The following MALRD1 variants were observed in gnomAD, a reference collection of about 807,000 sequenced individuals.
MALRD1 encodes MAM and LDL-receptor class A domain-containing protein 1.
MALRD1 carries 247 observed loss-of-function variants against 242.1 expected under a neutral mutation model. That is an observed-to-expected ratio of 1.02 (90% confidence interval 0.92 to 1.13). The LOEUF is 1.13. Ranked by LOEUF, MALRD1 falls within the 50% of genes most tolerant of loss-of-function variation. The probability of loss-of-function intolerance (pLI) is 0.00; values close to 1 mark genes in which losing one functional copy is unlikely to be tolerated. For missense variants in MALRD1, 2,989 were observed against 2,533.1 expected, an observed-to-expected ratio of 1.18 and a Z score of -3.86; for synonymous variants, 995 against 866.6, an observed-to-expected ratio of 1.15 and a Z score of -2.60.
At chr10:19,532,481 C>T (rs1420705991) in intron 32 of MALRD1, among the ~76,000 whole-genome samples, 1 of 152,078 alleles carries the variant, frequency 6.6e-6, no homozygotes, top group Non-Finnish European at 1.5e-5. Context: ...GTCTCAAATT[C>T]CTGACCTCAT....
intron 26 of MALRD1, among the ~76,000 whole-genome samples, chr10:19,371,717 T>G (rs1344059564): frequency 1.3e-5 from 2 of 152,236 alleles, no homozygotes; most frequent in African/African-American, 4.8e-5. Flanking sequence ...TAAAGTTTGT[T>G]GCTTACAATT....
At chr10:19,638,761 C>T (rs1374086223) in intron 36 of MALRD1, among the ~76,000 whole-genome samples, 2 of 152,170 alleles carry the variant, frequency 1.3e-5, no homozygotes, top group African/African-American at 4.8e-5. Flanking sequence ...TCACCACCCA[C>T]AGAAGATTGT....
chr10:19,146,541 C>A (rs12255461), intron 11 of MALRD1, among the ~76,000 whole-genome samples, 197 bp downstream of exon 11: 1 of 152,092 alleles, frequency 6.6e-6, no homozygotes, highest in African/African-American at 2.4e-5. Context: ...TAATCACCAA[C>A]ATGTTTGTTG....
rs577873064 is a variant in MALRD1 at position 19,209,573 on chromosome 10, C to T, written c.2884C>T (p.Arg962Ter). The T allele has an allele frequency of 2.5e-4, 394 of 1,550,820 alleles. No homozygotes were observed. The highest frequency in any genetic ancestry group is 3.3e-4 in the Middle Eastern group (2 of 5,994). ...CATTTATAGGTTGGCAATCTACCAA[C>T]GAATCTGGAGTGACTCAAGGGGACA... ...KRIYRLAIYQ[R>*]IWSDSRGQLL... Residue 962 changes from arginine to a stop codon, truncating the protein, a stop_gained, in exon 18 of 40, where the codon CGA becomes TGA. Coordinates refer to ENST00000454679, the MANE Select transcript of MALRD1 (RefSeq NM_001142308.3). LOFTEE classifies it high-confidence loss of function.
At chr10:19,495,694 C>A (rs1307208465) in intron 30 of MALRD1, among the ~76,000 whole-genome samples, 1 of 152,084 alleles carries the variant, frequency 6.6e-6, no homozygotes, top group Non-Finnish European at 1.5e-5. Context: ...CAGCTAATGA[C>A]ATGATGACAG....
intron 29 of MALRD1, among the ~76,000 whole-genome samples, chr10:19,482,165 A>T (rs1157992103): frequency 6.6e-6 from 1 of 152,106 alleles, no homozygotes; most frequent in Non-Finnish European, 1.5e-5. Flanking sequence ...CTGGGGTTCA[A>T]ATCATTATCT....
At chr10:19,636,965 T>A (rs1382361737) in intron 36 of MALRD1, among the ~76,000 whole-genome samples, 2 of 151,606 alleles carry the variant, frequency 1.3e-5, no homozygotes, top group African/African-American at 2.4e-5. Flanking sequence ...ATTTTGTCAA[T>A]AAATTTTAAA....
rs1267856828 is a variant in MALRD1 at position 19,508,111 on chromosome 10, TG to T, written c.5320+9470del. Among the ~76,000 whole-genome samples the T allele has an allele frequency of 5.8e-5, 5 of 86,182 alleles. No homozygotes were observed. In the East Asian group the frequency reaches 1.6e-3, roughly 27 times the overall value. The allele number at this position is 86,182 out of a possible 152,430, so 56.5% of individuals were successfully genotyped here. A position where few individuals can be genotyped will look rare whatever the true frequency, so the allele number is the denominator to read the frequency against. On this transcript the variant is annotated intron_variant, in intron 31 of 39. Coordinates refer to ENST00000454679, the MANE Select transcript of MALRD1 (RefSeq NM_001142308.3). ...AGGAAAAAAAGGAGTTTCTGGATGG[TG>T]GGGGTGGGGGAAGAAGAGTGAGTTA...
intron 13 of MALRD1, among the ~76,000 whole-genome samples, chr10:19,172,658 A>G (rs1835063057): frequency 6.6e-6 from 1 of 151,562 alleles, no homozygotes; most frequent in Non-Finnish European, 1.5e-5. Flanking sequence ...AAGTGCCTCA[A>G]ACTGTCGTTT....
At chr10:19,530,845 C>T (rs978962189) in intron 31 of MALRD1, among the ~76,000 whole-genome samples, 18 of 152,188 alleles carry the variant, frequency 1.2e-4, no homozygotes, top group African/African-American at 4.3e-4. Flanking sequence ...TCCCCAGTAC[C>T]TACTCTGTAT....
chr10:19,384,022 G>A (rs1416376638), intron 26 of MALRD1, among the ~76,000 whole-genome samples: 1 of 151,818 alleles, frequency 6.6e-6, no homozygotes, highest in Non-Finnish European at 1.5e-5. Flanking sequence ...CTTAAGGTCT[G>A]AATGATAATT....
intron 38 of MALRD1, among the ~76,000 whole-genome samples, chr10:19,717,782 C>A (rs1335995507): frequency 6.6e-6 from 1 of 151,812 alleles, no homozygotes; most frequent in Non-Finnish European, 1.5e-5. Context: ...TTTGGTAGGC[C>A]AAGACTGGTG....
At chr10:19,254,177 T>C (rs1410680406) in intron 18 of MALRD1, among the ~76,000 whole-genome samples, 1 of 152,048 alleles carries the variant, frequency 6.6e-6, no homozygotes, top group Non-Finnish European at 1.5e-5. Context: ...CCAAAAATTC[T>C]GACTTTTCTA....
chr10:19,134,391 G>A (rs1363312426), intron 9 of MALRD1, among the ~76,000 whole-genome samples: 2 of 152,190 alleles, frequency 1.3e-5, no homozygotes, highest in Non-Finnish European at 2.9e-5. Context: ...CAATAGGAAT[G>A]CTGTCTCTTA....
chr10:19,159,529 AC>A (rs1222000804), intron 12 of MALRD1, among the ~76,000 whole-genome samples: 1 of 152,066 alleles, frequency 6.6e-6, no homozygotes, highest in Non-Finnish European at 1.5e-5. Flanking sequence ...TGAAGATTTG[AC>A]CAAGGAGCTC....
At chr10:19,138,083 A>AC (rs1398167733) in intron 10 of MALRD1, among the ~76,000 whole-genome samples, 1 of 152,150 alleles carries the variant, frequency 6.6e-6, no homozygotes, top group African/African-American at 2.4e-5. Flanking sequence ...ACGCGGAGGG[A>AC]CACAGGAGAG....
intron 34 of MALRD1, among the ~76,000 whole-genome samples, chr10:19,597,334 T>G (rs1260934883): frequency 6.6e-6 from 1 of 152,166 alleles, no homozygotes; most frequent in Admixed American, 6.5e-5. Flanking sequence ...AAAGAGAAGC[T>G]TAGGAAGGTA....
chr10:19,329,813 G>A lies in MALRD1; in HGVS notation c.3688-1556G>A, dbSNP rs555814346. On this transcript the variant is annotated intron_variant, in intron 23 of 39. Coordinates refer to ENST00000454679, the MANE Select transcript of MALRD1 (RefSeq NM_001142308.3). ...TTTTAATAACAGTTAATCACATTCGGTATTAAAGTCTAGGGAATCCCAACC... is the reference window on the plus strand; with the variant it reads ...TTTTAATAACAGTTAATCACATTCGATATTAAAGTCTAGGGAATCCCAACC... 5.3e-4 allele frequency among the ~76,000 whole-genome samples: 80 copies of A among 152,202 alleles called. 1 individual carries two copies. The highest frequency in any genetic ancestry group is 9.7e-4 in the Non-Finnish European group (66 of 68,000).
At chr10:19,130,273 G>C (rs757300899) in intron 8 of MALRD1, among the ~76,000 whole-genome samples, 1 of 152,042 alleles carries the variant, frequency 6.6e-6, no homozygotes, top group African/African-American at 2.4e-5. Flanking sequence ...CTGTATCCAC[G>C]TATGTTCCAC....
Sources: allele counts gnomAD v4.1 joint callset (sites outside exome capture counted in the v4.1 genomes callset), GRCh38; gene constraint gnomAD v4.1.1; transcripts MANE v1.5; gene names NCBI Gene and HGNC (gene_info 2026-07-23, HGNC 2026-07-21).